The following TRIM21 variants were observed in gnomAD, a reference collection of about 807,000 sequenced individuals.
TRIM21 encodes tripartite motif containing 21.
In TRIM21, 35 loss-of-function variants were observed where a neutral mutation model predicts 36.1. The ratio of observed to expected loss-of-function variants is 0.97; its 90% CI spans 0.74 to 1.28. The LOEUF (loss-of-function observed/expected upper bound fraction) is 1.28, where lower values mean the gene tolerates loss of function less well. Among genes scored for constraint, TRIM21 ranks in the 50% most tolerant of loss-of-function variants. The probability of loss-of-function intolerance (pLI) is 0.00; values close to 1 mark genes in which losing one functional copy is unlikely to be tolerated. For missense variants in TRIM21, 635 were observed against 570.7 expected, an observed-to-expected ratio of 1.11 and a Z score of -1.15; for synonymous variants, 256 against 211.5, an observed-to-expected ratio of 1.21 and a Z score of -1.83.
intron 3 of TRIM21, among the ~76,000 whole-genome samples, 198 bp from the exon 4 acceptor site, chr11:4,388,728 T>C (rs1214935019): frequency 2.6e-5 from 4 of 152,134 alleles, no homozygotes; most frequent in African/African-American, 7.2e-5. Flanking sequence ...TTGAGGTTTC[T>C]GGGACAGTGA....
At chr11:4,385,968 G>T in intron 6 of TRIM21, 115 bp from the exon 7 acceptor site, 1 of 1,176,662 alleles carries the variant, frequency 8.5e-7, no homozygotes, top group Non-Finnish European at 1.2e-6. Flanking sequence ...GAACCTCCCT[G>T]TGTGAGGAAA....
At chr11:4,391,372 G>A (rs1208511915) in intron 1 of TRIM21, among the ~76,000 whole-genome samples, 1 of 152,180 alleles carries the variant, frequency 6.6e-6, no homozygotes. Flanking sequence ...AAACTACAAT[G>A]AGATATAATC....
chr11:4,391,034 A>G (rs184325321), intron 1 of TRIM21, among the ~76,000 whole-genome samples: 1 of 152,374 alleles, frequency 6.6e-6, no homozygotes, highest in Non-Finnish European at 1.5e-5. Flanking sequence ...TCTTTCAAAT[A>G]TCCCACAAGC....
chr11:4,391,625 C>G (rs1590838537), intron 1 of TRIM21, among the ~76,000 whole-genome samples: 1 of 152,208 alleles, frequency 6.6e-6, no homozygotes, highest in South Asian at 2.1e-4. Flanking sequence ...ATCCACACTT[C>G]CATGTTTACT....
Position 4,388,458 on chromosome 11 carries a change from C to A in TRIM21, c.577G>T (p.Glu193Ter). The stretch of plus-strand genomic sequence containing the variant: ...TCCAGCTCCTGCAGCTGCCTCTGTT[C>A]TTCTTCAACCAGGAAGTTTTTTTGC... The part of the protein sequence containing the change: ...VQQKNFLVEE[E>*]QRQLQELEKD... Residue 193 changes from glutamate (E) to a stop codon, truncating the protein, a stop_gained, in exon 4 of 7, where the codon GAA becomes TAA. Coordinates refer to ENST00000254436, the MANE Select transcript of TRIM21 (RefSeq NM_003141.4). LOFTEE classifies it high-confidence loss of function. The A allele has an allele frequency of 6.2e-7, 1 of 1,613,660 alleles. No individual in the cohort carries two copies. The highest frequency in any genetic ancestry group is 8.5e-7 in the Non-Finnish European group (1 of 1,179,880).
chr11:4,386,298 A>G (rs2094956296), intron 5 of TRIM21, 41 bp from the exon 6 acceptor site: 1 of 1,509,096 alleles, frequency 6.6e-7, no homozygotes, highest in Non-Finnish European at 9.2e-7. Context: ...TCCTACTCCT[A>G]TCCCAAACCC....
intron 1 of TRIM21, among the ~76,000 whole-genome samples, chr11:4,390,788 C>T (rs2133053786): frequency 6.6e-6 from 1 of 152,296 alleles, no homozygotes; most frequent in East Asian, 1.9e-4. Context: ...ACAGTGAGCA[C>T]ATTTTCAACA....
chr11:4,393,106 T>C lies in TRIM21; in HGVS notation c.-50+527A>G, dbSNP rs185586345. Among the ~76,000 whole-genome samples the C allele has an allele frequency of 6.6e-5, 10 of 152,346 alleles. No homozygotes were observed. In the East Asian group the frequency reaches 1.9e-3, roughly 29 times the overall value. On this transcript the variant is annotated intron_variant, in intron 1 of 6. Transcript: ENST00000254436. ...TTAGTTTAGTTCCTGACAACACTTA[T>C]TCTAGGACAAAGAATAATTCTGAAG...
intron 4 of TRIM21, among the ~76,000 whole-genome samples, 184 bp downstream of exon 4, chr11:4,388,116 G>A (rs1016275809): frequency 6.6e-6 from 1 of 152,238 alleles, no homozygotes; most frequent in African/African-American, 2.4e-5. Flanking sequence ...TTTTAAAAAG[G>A]TCCTGTACTT....
At position 4,385,784 on chromosome 11, in the gene TRIM21, C is replaced by T; in HGVS notation, c.929G>A (p.Arg310Lys). Residue 310 changes from arginine to lysine, a missense_variant, in exon 7 of 7, where the codon AGG (arginine) becomes AAG (lysine). Coordinates refer to ENST00000254436, the MANE Select transcript of TRIM21 (RefSeq NM_003141.4). ...LILSEDRRQV[R>K]LGDTQQSIPG... Reference sequence around the variant, plus strand: ...TATGCTCTGCTGGGTGTCTCCAAGCCTCACTTGTCTCCGATCTTCTGAAAG... The same window carrying T: ...TATGCTCTGCTGGGTGTCTCCAAGCTTCACTTGTCTCCGATCTTCTGAAAG... The T allele has an allele frequency of 6.2e-7, 1 of 1,613,602 alleles. No homozygotes were observed. The highest frequency in any genetic ancestry group is 8.5e-7 in the Non-Finnish European group (1 of 1,179,786).
Position 4,390,282 on chromosome 11 carries a change from A to G in TRIM21, c.128T>C (p.Val43Ala). 6.2e-7 allele frequency: 1 copy of G among 1,613,724 alleles called. No individual in the cohort carries two copies. The highest frequency in any genetic ancestry group is 8.5e-7 in the Non-Finnish European group (1 of 1,179,808). The stretch of plus-strand genomic sequence containing the variant: ...ACAGACGCTGCCCCCACCTTTCCCA[A>G]CCTGAGAGATGCATTCCTGGCAGAA... ...HSFCQECISQ[V>A]GKGGGSVCPV... Residue 43 changes from valine (V) to alanine (A), a missense_variant, in exon 2 of 7, where the codon GTT (valine) becomes GCT (alanine). Physicochemically the swap from Val to Ala is moderately conservative, Grantham distance 64. Transcript: ENST00000254436.
chr11:4,387,134 G>T (rs1166105715), intron 4 of TRIM21, 144 bp from the exon 5 acceptor site: 10 of 807,518 alleles, frequency 1.2e-5, no homozygotes, highest in Non-Finnish European at 1.9e-5. Flanking sequence ...AGATGATTCT[G>T]ACCAGCTCAA....
At chr11:4,388,148 C>G (rs1206685189) in intron 4 of TRIM21, among the ~76,000 whole-genome samples, 152 bp downstream of exon 4, 1 of 152,246 alleles carries the variant, frequency 6.6e-6, no homozygotes, top group African/African-American at 2.4e-5. Context: ...TACTTTGCGT[C>G]TTGAACGCGA....
Position 4,390,444 on chromosome 11 carries a change from C to G in TRIM21, c.-35G>C, listed in dbSNP as rs1262718997. 2 of 1,557,104 alleles carry G rather than the reference C, an allele frequency of 1.3e-6. No individual in the cohort carries two copies. The highest frequency in any genetic ancestry group is 1.7e-6 in the Non-Finnish European group (2 of 1,148,246). ...TGCCGTTAAACAGCAGTGTGGAGAC[C>G]TTTAGGGGGTTTGGCTGGGAGAGAA... On this transcript the variant is annotated 5_prime_UTR_variant, in exon 2 of 7. Transcript: ENST00000254436.
In TRIM21 at chr11:4,385,720, G is replaced by T. The variant is rs1303700804; in HGVS notation, c.993C>A (p.Val331=). Reference sequence around the variant, plus strand: ...CAGAGTGAAAGTGCTGGGCACCCAGGACCATAGGATAACTATCAAATCTCT... The same window carrying T: ...CAGAGTGAAAGTGCTGGGCACCCAGTACCATAGGATAACTATCAAATCTCT... ...NEERFDSYPM[V]LGAQHFHSGK... The change falls in exon 7 of 7, where the codon GTC becomes GTA. Residue 331 remains valine, a synonymous_variant. Transcript: ENST00000254436. 1 of 1,613,150 alleles carries T rather than the reference G, an allele frequency of 6.2e-7. No individual in the cohort carries two copies. Among genetic ancestry groups the T allele is most frequent in the Middle Eastern group, 1.6e-4 (1 of 6,062 alleles).
rs373117861 is a variant in TRIM21 at position 4,385,623 on chromosome 11, G to A, written c.1090C>T (p.Arg364Cys). The change falls in exon 7 of 7, where the codon CGC becomes TGC. Residue 364 changes from arginine to cysteine, a missense_variant. Coordinates refer to ENST00000254436, the MANE Select transcript of TRIM21 (RefSeq NM_003141.4). ...CTAAGCAAAAAGTGCCCCTTCCTGC[G>A]CACAGAGTCTCTGCAGACACCCAGG... ...WDLGVCRDSV[R>C]RKGHFLLSSK... The A allele has an allele frequency of 3.1e-5, 50 of 1,612,308 alleles. No homozygotes were observed. Among genetic ancestry groups the A allele is most frequent in the Admixed American group, 1.3e-4 (8 of 59,776 alleles).
At position 4,385,491 on chromosome 11, in the gene TRIM21, C is replaced by A. The variant is rs2094955196; in HGVS notation, c.1222G>T (p.Gly408Trp). The A allele has an allele frequency of 6.2e-7, 1 of 1,611,764 alleles. No homozygotes were observed. Among genetic ancestry groups the A allele is most frequent in the African/African-American group, 1.3e-5 (1 of 74,850 alleles). ...LHLQVPPCQV[G>W]IFLDYEAGMV... ...CCAGCCTCATAGTCCAGGAAAATCC[C>A]AACTTGGCATGGAGGCACCTGAAGG... The change falls in exon 7 of 7, where the codon GGG becomes TGG. Residue 408 changes from glycine to tryptophan, a missense_variant. Physicochemically the swap from Gly to Trp is radical, Grantham distance 184. Transcript: ENST00000254436.
chr11:4,390,802 C>T lies in TRIM21; in HGVS notation c.-49-344G>A, dbSNP rs566839361. On this transcript the variant is annotated intron_variant, in intron 1 of 6. Coordinates refer to ENST00000254436, the MANE Select transcript of TRIM21 (RefSeq NM_003141.4). ...CACAGTGAGCACATTTTCAACAAAGCTACCAAGAACATACAGTGAGGAAAG... is the reference window on the plus strand; with the variant it reads ...CACAGTGAGCACATTTTCAACAAAGTTACCAAGAACATACAGTGAGGAAAG... Among the ~76,000 whole-genome samples, 7 of 152,252 alleles carry T rather than the reference C, an allele frequency of 4.6e-5. No homozygotes were observed. In the South Asian group the frequency reaches 1.5e-3, roughly 32 times the overall value.
chr11:4,385,448 T>C lies in TRIM21; in HGVS notation c.1265A>G (p.Asn422Ser), dbSNP rs1372991020. The C allele has an allele frequency of 6.2e-7, 1 of 1,613,220 alleles. No individual in the cohort carries two copies. Among genetic ancestry groups the C allele is most frequent in the East Asian group, 2.2e-5 (1 of 44,844 alleles). The change falls in exon 7 of 7, where the codon AAC (asparagine) becomes AGC (serine). Residue 422 changes from asparagine (N) to serine (S), a missense_variant. Physicochemically the swap from Asn to Ser is conservative, Grantham distance 46. Transcript: ENST00000254436. ...DYEAGMVSFY[N>S]ITDHGSLIYS... ...GATGAGGGAGCCATGGTCAGTGATG[T>C]TGTAGAAGGAGACCATGCCAGCCTC...
Sources: gnomAD v4.1 joint callset for allele counts (sites outside exome capture counted in the v4.1 genomes callset) on GRCh38, gnomAD v4.1.1 for gene constraint, MANE v1.5 for transcripts, NCBI Gene and HGNC (gene_info 2026-07-23, HGNC 2026-07-21) for gene names.